IL12RB1: variants seen among roughly 807,000 people sequenced by gnomAD.
IL12RB1 encodes interleukin 12 receptor subunit beta 1, also known as interleukin-12 receptor subunit beta-1.
A neutral mutation model predicts 94.4 loss-of-function variants in IL12RB1; 64 were observed. The ratio of observed to expected loss-of-function variants is 0.68; its 90% CI spans 0.55 to 0.83. The LOEUF (loss-of-function observed/expected upper bound fraction) is 0.83. Among genes scored for constraint, IL12RB1 ranks in the 40% least tolerant of loss-of-function variants. IL12RB1 has a pLI of 0.00. For missense variants in IL12RB1, 814 were observed against 855.6 expected, an observed-to-expected ratio of 0.95 and a Z score of 0.61; for synonymous variants, 362 against 355.5, an observed-to-expected ratio of 1.02 and a Z score of -0.21.
At chr19:18,068,660 C>T in intron 10 of IL12RB1, 134 bp from the exon 11 acceptor site, 2 of 722,912 alleles carry the variant, frequency 2.8e-6, no homozygotes, top group Non-Finnish European at 4.9e-6. Context: ...CACCAATATC[C>T]CCTCCTCCAA....
At chr19:18,080,702 C>A in intron 4 of IL12RB1, 130 bp downstream of exon 4, 1 of 764,420 alleles carries the variant, frequency 1.3e-6, no homozygotes, top group Non-Finnish European at 2.4e-6. Flanking sequence ...TTGCGTGACA[C>A]TACGTGAAGT....
In IL12RB1 at chr19:18,062,290, A is replaced by T; in HGVS notation, c.1619-13T>A. On this transcript the variant is annotated splice_polypyrimidine_tract_variant and intron_variant, in intron 13 of 16. Coordinates refer to ENST00000593993, the MANE Select transcript of IL12RB1 (RefSeq NM_005535.3). ...GAAACCTGCACTTCTGAGGTGGGAG[A>T]GCGTGGGTTGGCAGAGGGCTACCTC... 3 of 1,580,210 alleles carry T rather than the reference A, an allele frequency of 1.9e-6. No homozygotes were observed. Among genetic ancestry groups the T allele is most frequent in the Non-Finnish European group, 2.6e-6 (3 of 1,151,652 alleles).
intron 6 of IL12RB1, 118 bp from the exon 7 acceptor site, chr19:18,075,986 TG>T: frequency 9.9e-7 from 1 of 1,012,150 alleles, no homozygotes. Context: ...TGCTGGGTCC[TG>T]GGGGCTCAGC....
rs1599427707 is a variant in IL12RB1 at position 18,059,133 on chromosome 19, GGGGGTGAGGGT to G, written c.*464_*474del. The G allele has an allele frequency of 1.9e-5, 3 of 161,452 alleles. No individual in the cohort carries two copies. The East Asian group carries it at 5.7e-4, about 31-fold the overall frequency. 10.0% of individuals were successfully genotyped at this position (161,452 alleles called of 1,614,324 possible). On this transcript the variant is annotated 3_prime_UTR_variant, in exon 17 of 17. Transcript: ENST00000593993. ...CATTATCACCACCCCCATTTTATAG[GGGGGTGAGGGT>G]GGGGTGGGGGGTGGGATGGGAGGAC...
At chr19:18,072,445 C>T in intron 8 of IL12RB1, 96 bp from the exon 9 acceptor site, 1 of 808,062 alleles carries the variant, frequency 1.2e-6, no homozygotes, top group Non-Finnish European at 2.2e-6. Context: ...CAGACTTGGA[C>T]AAAGGCCACA....
intron 14 of IL12RB1, among the ~76,000 whole-genome samples, chr19:18,061,728 T>G (rs1462506797): frequency 6.6e-6 from 1 of 152,084 alleles, no homozygotes; most frequent in Non-Finnish European, 1.5e-5. Flanking sequence ...CTGGGTGTGA[T>G]GGCACGCACC....
rs1177519481 is a variant in IL12RB1, at chr19:18,075,619, AC to A, written c.700+129del. 39 of 828,000 alleles carry A rather than the reference AC, an allele frequency of 4.7e-5. No homozygotes were observed. In the Middle Eastern group the frequency reaches 7.7e-4, roughly 16 times the overall value. The allele number at this position is 828,000 out of a possible 1,614,324, so 51.3% of individuals were successfully genotyped here. ...ACTATGTTGCCCGGGCTGGTCTCAA[AC>A]CACTGGCCTCAAGTGATCCTCCCGC... On this transcript the variant is annotated intron_variant, in intron 7 of 16. Transcript: ENST00000593993.
intron 12 of IL12RB1, 66 bp downstream of exon 12, chr19:18,066,476 G>A (rs2034589340): frequency 8.5e-7 from 1 of 1,180,004 alleles, no homozygotes; most frequent in South Asian, 1.2e-5. Flanking sequence ...GGGTCACACA[G>A]CAAGAGAGAT....
At chr19:18,065,195 T>C (rs1248090273) in intron 12 of IL12RB1, among the ~76,000 whole-genome samples, 1 of 152,156 alleles carries the variant, frequency 6.6e-6, no homozygotes, top group African/African-American at 2.4e-5. Flanking sequence ...AACTCTTTCC[T>C]GGGGAAAGCC....
At position 18,092,552 on chromosome 19, in the gene IL12RB1, C is replaced by T. The variant is rs553144379; in HGVS notation, c.-229-1783G>A. Reference sequence around the variant, plus strand: ...AGGCATGGTGGCACGCGCCTGTAATCCTAGCTACTCAGGAGGCTGAGGCAG... The same window carrying T: ...AGGCATGGTGGCACGCGCCTGTAATTCTAGCTACTCAGGAGGCTGAGGCAG... On this transcript the variant is annotated intron_variant, in intron 1 of 4. Transcript: ENST00000594176. Among the ~76,000 whole-genome samples the T allele has an allele frequency of 1.1e-3, 169 of 152,034 alleles. 1 individual carries two copies. The Middle Eastern group carries it at 0.014, about 12-fold the overall frequency.
intron 10 of IL12RB1, among the ~76,000 whole-genome samples, chr19:18,069,299 T>C (rs1004659110): frequency 2.6e-5 from 4 of 152,218 alleles, no homozygotes; most frequent in African/African-American, 9.6e-5. Flanking sequence ...GATGTGAGAT[T>C]CATTACCTGT....
intron 6 of IL12RB1, 149 bp from the exon 7 acceptor site, chr19:18,076,017 T>A (rs1430806317): frequency 7.8e-6 from 6 of 769,604 alleles, no homozygotes. Flanking sequence ...CCAGGCCCTG[T>A]CCTCTTAGGG....
intron 9 of IL12RB1, chr19:18,070,424 G>A (rs1382880490): frequency 5.1e-6 from 3 of 585,072 alleles, no homozygotes; most frequent in South Asian, 1.5e-4. Flanking sequence ...TCCCTGGCCT[G>A]ACCGGCGCCA....
chr19:18,066,575 G>A lies in IL12RB1; in HGVS notation c.1450C>T (p.Arg484Cys), dbSNP rs373257834. The A allele has an allele frequency of 2.0e-5, 33 of 1,613,350 alleles. No individual in the cohort carries two copies. Among genetic ancestry groups the A allele is most frequent in the South Asian group, 1.1e-4 (10 of 91,070 alleles). Residue 484 changes from arginine (R) to cysteine (C), a missense_variant, in exon 12 of 17, where the codon CGC becomes TGC. Arg to Cys is a radical substitution (Grantham distance 180). Coordinates refer to ENST00000593993, the MANE Select transcript of IL12RB1 (RefSeq NM_005535.3). Reference protein sequence around the residue: ...CPGVLKEYVVRCRDEDSKQVS... With the variant: ...CPGVLKEYVVCCRDEDSKQVS... Reference sequence around the variant, plus strand: ...TGTTTGCTGTCTTCATCTCGGCAGCGGACAACATACTCCTTTAGGACGCCG... The same window carrying A: ...TGTTTGCTGTCTTCATCTCGGCAGCAGACAACATACTCCTTTAGGACGCCG...
At chr19:18,073,232 C>T (rs1199683263) in intron 8 of IL12RB1, among the ~76,000 whole-genome samples, 1 of 152,042 alleles carries the variant, frequency 6.6e-6, no homozygotes, top group African/African-American at 2.4e-5. Flanking sequence ...TCACCATTAT[C>T]TCCTTCCTGG....
chr19:18,063,108 TTTTTTG>T, intron 13 of IL12RB1, among the ~76,000 whole-genome samples: 1 of 71,244 alleles, frequency 1.4e-5, no homozygotes, highest in Non-Finnish European at 3.4e-5. Context: ...TTTTTTTTTT[TTTTTTG>T]AGACAGGGTC....
At chr19:18,080,768 C>G (rs2035840879) in intron 4 of IL12RB1, 64 bp downstream of exon 4, 2 of 1,095,312 alleles carry the variant, frequency 1.8e-6, no homozygotes, top group Admixed American at 1.7e-5. Flanking sequence ...CTCTCTAGCT[C>G]CAGCCTTGCA....
chr19:18,068,735 A>C, intron 10 of IL12RB1, among the ~76,000 whole-genome samples: 5 of 136,072 alleles, frequency 3.7e-5, no homozygotes, highest in South Asian at 2.4e-4. Context: ...CCCTTACTCC[A>C]TGGAACCAGG....
intron 6 of IL12RB1, 88 bp from the exon 7 acceptor site, chr19:18,075,956 C>T (rs1170471458): frequency 1.5e-6 from 2 of 1,307,534 alleles, no homozygotes; most frequent in African/African-American, 1.4e-5. Flanking sequence ...TATTGAGCTC[C>T]AACTGTGTAC....
Sources: gnomAD v4.1 joint callset for allele counts (sites outside exome capture counted in the v4.1 genomes callset) on GRCh38, gnomAD v4.1.1 for gene constraint, MANE v1.5 for transcripts, NCBI Gene and HGNC (gene_info 2026-07-23, HGNC 2026-07-21) for gene names.